CRYL1: variants seen among roughly 807,000 people sequenced by gnomAD.
CRYL1 encodes crystallin lambda 1, also known as lambda-crystallin homolog.
Under a neutral mutation model 36.6 loss-of-function variants are expected in CRYL1, and 29 were observed. The observed-to-expected ratio is 0.79, with a 90% confidence interval of 0.59 to 1.08. The LOEUF (loss-of-function observed/expected upper bound fraction) is 1.08. Ranked by LOEUF, CRYL1 falls within the 50% of genes least tolerant of loss-of-function variation. CRYL1 has a pLI of 0.00. For synonymous variants in CRYL1, 152 were observed against 151.5 expected, an observed-to-expected ratio of 1.00 and a Z score of -0.02; for missense variants, 411 against 407.9, an observed-to-expected ratio of 1.01 and a Z score of -0.06.
intron 3 of CRYL1, among the ~76,000 whole-genome samples, chr13:20,470,192 G>A (rs1430153802): frequency 6.6e-6 from 1 of 152,236 alleles, no homozygotes. Flanking sequence ...GGAAGGGGCA[G>A]CAGGACCTCC....
At chr13:20,503,502 A>G (rs1160266811) in intron 2 of CRYL1, among the ~76,000 whole-genome samples, 1 of 152,156 alleles carries the variant, frequency 6.6e-6, no homozygotes, top group Admixed American at 6.5e-5. Context: ...CCAGATGAGG[A>G]GGGAAGAAGG....
At chr13:20,417,737 C>T (rs2031706711) in intron 5 of CRYL1, among the ~76,000 whole-genome samples, 1 of 152,146 alleles carries the variant, frequency 6.6e-6, no homozygotes, top group African/African-American at 2.4e-5. Flanking sequence ...AGCTGGGGCA[C>T]ATATTTTGCA....
intron 3 of CRYL1, among the ~76,000 whole-genome samples, chr13:20,446,565 A>C (rs1304506626): frequency 6.6e-6 from 1 of 152,234 alleles, no homozygotes; most frequent in Non-Finnish European, 1.5e-5. Context: ...CATTGAGCAG[A>C]ATGGGAGAAC....
At chr13:20,517,498 G>A (rs1032718432) in intron 1 of CRYL1, among the ~76,000 whole-genome samples, 2 of 152,114 alleles carry the variant, frequency 1.3e-5, no homozygotes, top group Admixed American at 1.3e-4. Flanking sequence ...AGGAGGCTGA[G>A]GCAGGAGAAT....
intron 4 of CRYL1, 79 bp downstream of exon 4, chr13:20,439,514 C>CAAAAAAAAAAAAAAAGAAAA: frequency 1.5e-5 from 5 of 331,814 alleles, no homozygotes; most frequent in East Asian, 8.4e-5. Context: ...CCCTCCCCCG[C>CAAAAAAAAAAAAAAAGAAAA]AAAAAAAAAA....
intron 2 of CRYL1, among the ~76,000 whole-genome samples, chr13:20,496,676 C>G (rs1004585215): frequency 3.8e-5 from 1 of 26,428 alleles, no homozygotes; most frequent in Non-Finnish European, 2.4e-4. Context: ...TTTGGGAGGC[C>G]GAGGCAGGCA....
intron 3 of CRYL1, among the ~76,000 whole-genome samples, chr13:20,442,341 G>A (rs2032368667): frequency 6.6e-6 from 1 of 152,190 alleles, no homozygotes; most frequent in Admixed American, 6.5e-5. Context: ...TTTTAAGAGT[G>A]ACCCAATTGT....
chr13:20,408,588 T>C (rs547658236), intron 6 of CRYL1, among the ~76,000 whole-genome samples: 1 of 152,326 alleles, frequency 6.6e-6, no homozygotes, highest in Admixed American at 6.5e-5. Context: ...GGCTTCTCCA[T>C]GCCATAGCAA....
chr13:20,409,736 A>C (rs537101671), intron 6 of CRYL1, among the ~76,000 whole-genome samples: 1 of 151,830 alleles, frequency 6.6e-6, no homozygotes, highest in Non-Finnish European at 1.5e-5. Context: ...ATGAACAGAC[A>C]CTTCTCAAAA....
At chr13:20,413,593 A>C (rs539999492) in intron 5 of CRYL1, among the ~76,000 whole-genome samples, 2 of 152,224 alleles carry the variant, frequency 1.3e-5, no homozygotes, top group Non-Finnish European at 2.9e-5. Context: ...TAGCATATGC[A>C]TAATGAGATA....
At chr13:20,414,187 T>C (rs973611176) in intron 5 of CRYL1, among the ~76,000 whole-genome samples, 3 of 122,184 alleles carry the variant, frequency 2.5e-5, no homozygotes, top group African/African-American at 9.5e-5. Flanking sequence ...AATAAATAAA[T>C]AAATAAAAAT....
intron 3 of CRYL1, among the ~76,000 whole-genome samples, chr13:20,449,868 T>G (rs1457625627): frequency 1.3e-5 from 2 of 152,052 alleles, no homozygotes; most frequent in African/African-American, 4.8e-5. Flanking sequence ...CTAAAATATC[T>G]AGGAATACTT....
At chr13:20,412,264 A>G (rs1289048450) in intron 6 of CRYL1, among the ~76,000 whole-genome samples, 1 of 151,860 alleles carries the variant, frequency 6.6e-6, no homozygotes, top group Non-Finnish European at 1.5e-5. Flanking sequence ...GCCCCCACAA[A>G]ACATACAGAC....
intron 2 of CRYL1, among the ~76,000 whole-genome samples, chr13:20,498,346 C>A (rs936202149): frequency 9.1e-6 from 1 of 109,360 alleles, no homozygotes; most frequent in Non-Finnish European, 2.0e-5. Flanking sequence ...ATACCTCATA[C>A]ACACACTATA....
intron 5 of CRYL1, among the ~76,000 whole-genome samples, chr13:20,422,232 C>T (rs578075494): frequency 5.3e-5 from 8 of 151,946 alleles, no homozygotes; most frequent in East Asian, 1.9e-4. Context: ...TGGTGGCATG[C>T]GCCTGTAGTC....
In CRYL1 at chr13:20,435,737, G is replaced by T. The variant is rs1331711884; in HGVS notation, c.439-3441C>A. Among the ~76,000 whole-genome samples, 1 of 152,208 alleles carries T rather than the reference G, an allele frequency of 6.6e-6. No individual in the cohort carries two copies. The highest frequency in any genetic ancestry group is 1.5e-5 in the Non-Finnish European group (1 of 68,026). ...CGCAGGCCGGCGGAGCACAAGGGAC[G>T]CATTCTTCCCCGCCGCCCGGGCCCC... On this transcript the variant is annotated intron_variant, in intron 4 of 7. Transcript: ENST00000298248. The surrounding 1 kb of genome is among the most constrained non-coding windows in gnomAD (Gnocchi z 4.0).
At position 20,420,700 on chromosome 13, in the gene CRYL1, G is replaced by GATTTTTTTTTTTTTTTTTT; in HGVS notation, c.634-7314_634-7313insAAAAAAAAAAAAAAAAAAT. ...CCTTTGACTTTTCTTTAAAATAGAG[G>GATTTTTTTTTTTTTTTTTT]TTGTGTGTGTGTGTGTGTGTGTGTG... is the stretch of plus-strand genomic sequence containing the variant. On this transcript the variant is annotated intron_variant, in intron 5 of 7. Coordinates refer to ENST00000298248, the MANE Select transcript of CRYL1 (RefSeq NM_015974.3). Among the ~76,000 whole-genome samples the GATTTTTTTTTTTTTTTTTT allele has an allele frequency of 5.5e-5, 2 of 36,430 alleles. 1 individual carries two copies. Among genetic ancestry groups the GATTTTTTTTTTTTTTTTTT allele is most frequent in the Non-Finnish European group, 1.4e-4 (2 of 13,970 alleles). 23.9% of individuals were successfully genotyped at this position (36,430 alleles called of 152,430 possible).
In CRYL1 at chr13:20,494,072, G is replaced by C. The variant is rs527996062; in HGVS notation, c.150-4576C>G. On this transcript the variant is annotated intron_variant, in intron 2 of 7. Transcript: ENST00000298248. ...GATTACAACACATTTGAATTTTTCA[G>C]TTTTTAACTATACGATTTATATAAG... Among the ~76,000 whole-genome samples, 11 of 152,330 alleles carry C rather than the reference G, an allele frequency of 7.2e-5. No individual in the cohort carries two copies. In the South Asian group the frequency reaches 2.1e-3, roughly 29 times the overall value.
intron 3 of CRYL1, among the ~76,000 whole-genome samples, chr13:20,441,305 G>C (rs1241983094): frequency 6.6e-6 from 1 of 152,144 alleles, no homozygotes; most frequent in Non-Finnish European, 1.5e-5. Flanking sequence ...CTGGGGGTGG[G>C]TTCCAGGCAT....
Sources: allele counts gnomAD v4.1 joint callset (sites outside exome capture counted in the v4.1 genomes callset), GRCh38; gene constraint gnomAD v4.1.1; non-coding constraint Gnocchi (gnomAD v3.1); transcripts MANE v1.5; gene names NCBI Gene and HGNC (gene_info 2026-07-23, HGNC 2026-07-21).